Variants in KANSL1 observed in about 807,000 individuals in gnomAD.
KANSL1 encodes MLL1/MLL complex subunit KANSL1.
KANSL1 carries 22 observed loss-of-function variants against 103.6 expected under a neutral mutation model. That is an observed-to-expected ratio of 0.21 (90% CI 0.15 to 0.30). The LOEUF (loss-of-function observed/expected upper bound fraction) is 0.30. Ranked by LOEUF, KANSL1 falls within the 10% of genes least tolerant of loss-of-function variation. The pLI is 1.00. For missense variants in KANSL1, 1,337 were observed against 1,399.8 expected, an observed-to-expected ratio of 0.96 and a Z score of 0.72; for synonymous variants, 600 against 527.6, an observed-to-expected ratio of 1.14 and a Z score of -1.88.
At chr17:46,044,955 T>C (rs2077449837) in intron 7 of KANSL1, 1 of 152,204 alleles carries the variant, frequency 6.6e-6, no homozygotes. Context: ...TGCCTTTATG[T>C]CTGGTATAAA....
upstream of KANSL1, among the ~76,000 whole-genome samples, chr17:46,197,109 G>A (rs977269880): frequency 2.6e-4 from 40 of 151,844 alleles, no homozygotes; most frequent in African/African-American, 9.4e-4. Flanking sequence ...GCAACACCCC[G>A]TCTCCAAAAA....
intron 2 of KANSL1, among the ~76,000 whole-genome samples, chr17:46,125,689 C>CTCCT (rs2043522359): frequency 6.6e-6 from 1 of 152,236 alleles, no homozygotes; most frequent in South Asian, 2.1e-4. Flanking sequence ...AGAATAAGGA[C>CTCCT]TCCTTGCTCA....
Position 46,171,909 on chromosome 17 carries a change from C to A in KANSL1, c.235G>T (p.Val79Leu). Residue 79 changes from valine to leucine, a missense_variant, in exon 2 of 15, where the codon GTG becomes TTG. By Grantham distance (32) the Val-to-Leu change is conservative. This residue lies in a region of KANSL1 where 557 missense variants were observed against 476.4 expected (regional missense o/e 1.17). Coordinates refer to ENST00000432791, the MANE Select transcript of KANSL1 (RefSeq NM_015443.4). ...ACATCAGAGCAGAGATAAGATGCCA[C>A]CAGTGGTTGCAGCTTTCCCAAGTCT... ...KEDLGKLQPL[V>L]ASYLCSDVTS... 6.2e-7 allele frequency: 1 copy of A among 1,614,256 alleles called. No individual in the cohort carries two copies. The highest frequency in any genetic ancestry group is 8.5e-7 in the Non-Finnish European group (1 of 1,180,048).
chr17:46,202,189 G>A (rs1438277692), intron 1 of KANSL1, among the ~76,000 whole-genome samples: 2 of 146,948 alleles, frequency 1.4e-5, no homozygotes, highest in African/African-American at 4.9e-5. Flanking sequence ...TAAAGAAAAA[G>A]GTAAAAAAAA....
At chr17:46,200,988 C>T (rs879416723) in intron 1 of KANSL1, among the ~76,000 whole-genome samples, 8 of 151,962 alleles carry the variant, frequency 5.3e-5, no homozygotes, top group Non-Finnish European at 1.2e-4. Flanking sequence ...CTGGGCTCAC[C>T]GCAACCTCCA....
intron 2 of KANSL1, among the ~76,000 whole-genome samples, chr17:46,108,479 TTTA>T (rs2042664352): frequency 6.6e-6 from 1 of 152,240 alleles, no homozygotes; most frequent in South Asian, 2.1e-4. Flanking sequence ...GCTTCCTGGC[TTTA>T]TTAATAGAAC....
At chr17:46,124,228 G>A (rs1281203761) in intron 2 of KANSL1, among the ~76,000 whole-genome samples, 1 of 152,136 alleles carries the variant, frequency 6.6e-6, no homozygotes, top group Non-Finnish European at 1.5e-5. Flanking sequence ...GCAAGACCCC[G>A]TCTCTATAAA....
intron 1 of KANSL1, among the ~76,000 whole-genome samples, chr17:46,220,798 T>C (rs1196532268): frequency 6.6e-6 from 1 of 152,132 alleles, no homozygotes; most frequent in East Asian, 1.9e-4. Context: ...GCAATTCTCC[T>C]GCCTCAGCCT....
intron 2 of KANSL1, among the ~76,000 whole-genome samples, chr17:46,113,174 A>G (rs2147122215): frequency 6.6e-6 from 1 of 152,366 alleles, no homozygotes; most frequent in South Asian, 2.1e-4. Flanking sequence ...CCATACTACA[A>G]CACAGGACAG....
rs1375351409 is a variant in KANSL1, at chr17:46,030,067, C to CG, written c.*1408dup. ...ATAGAACAAAGACAGCTACATGTTT[C>CG]GCTGCCATTACACAGCTCCAAAGCA... On this transcript the variant is annotated 3_prime_UTR_variant, in exon 15 of 15. Transcript: ENST00000432791. 6.6e-6 allele frequency: 1 copy of CG among 151,582 alleles called. No individual in the cohort carries two copies. Among genetic ancestry groups the CG allele is most frequent in the Non-Finnish European group, 1.5e-5 (1 of 67,934 alleles). The allele number at this position is 151,582 out of a possible 1,614,324, so 9.4% of individuals were successfully genotyped here.
chr17:46,212,250 C>T (rs1298751143), intron 1 of KANSL1, among the ~76,000 whole-genome samples: 1 of 151,076 alleles, frequency 6.6e-6, no homozygotes, highest in African/African-American at 2.4e-5. Context: ...TAGACAGAGA[C>T]TTGCTCTGTC....
intron 4 of KANSL1, among the ~76,000 whole-genome samples, chr17:46,070,502 A>C (rs1171637268): frequency 6.6e-6 from 1 of 152,136 alleles, no homozygotes; most frequent in Non-Finnish European, 1.5e-5. Context: ...TTTACTACAC[A>C]GGGGAAACCT....
At chr17:46,165,519 T>A (rs1202156426) in intron 2 of KANSL1, among the ~76,000 whole-genome samples, 1 of 78,162 alleles carries the variant, frequency 1.3e-5, no homozygotes, top group African/African-American at 3.3e-5. Context: ...GGTATTTTTA[T>A]TTTTTTTTTG....
At position 46,171,187 on chromosome 17, in the gene KANSL1, A is replaced by T. The variant is rs1467270825; in HGVS notation, c.957T>A (p.His319Gln). ...QAKQVERHIQ[H>Q]QLGGFLEKTL... ...TCTTCTCCAAAAATCCACCCAGCTG[A>T]TGTTGTATATGCCTCTCAACCTGCT... Residue 319 changes from histidine (H) to glutamine (Q), a missense_variant, in exon 2 of 15, where the codon CAT becomes CAA. His to Gln is a conservative substitution (Grantham distance 24). Around this residue, in one of 2 missense-constraint regions of KANSL1, gnomAD observed 557 missense variants for 476.4 expected, o/e 1.17. Coordinates refer to ENST00000432791, the MANE Select transcript of KANSL1 (RefSeq NM_015443.4). 1.2e-6 allele frequency: 2 copies of T among 1,613,972 alleles called. No homozygotes were observed. Among genetic ancestry groups the T allele is most frequent in the Non-Finnish European group, 1.7e-6 (2 of 1,180,052 alleles).
upstream of KANSL1, among the ~76,000 whole-genome samples, chr17:46,194,767 C>G (rs1020090388): frequency 2.6e-5 from 4 of 152,220 alleles, no homozygotes; most frequent in Admixed American, 2.6e-4. Flanking sequence ...TTACCAGAAC[C>G]AATATCCGGC....
At chr17:46,091,501 T>G (rs1469279302) in intron 3 of KANSL1, among the ~76,000 whole-genome samples, 10 of 152,182 alleles carry the variant, frequency 6.6e-5, no homozygotes, top group Admixed American at 6.5e-4. Flanking sequence ...TGTCCCAGGC[T>G]TTTCAATTTC....
At chr17:46,154,582 T>C (rs2045312915) in intron 2 of KANSL1, among the ~76,000 whole-genome samples, 1 of 152,134 alleles carries the variant, frequency 6.6e-6, no homozygotes, top group Admixed American at 6.5e-5. Flanking sequence ...GTGCCCGGGC[T>C]CTCACCACAA....
At position 46,039,680 on chromosome 17, in the gene KANSL1, T is replaced by G. The variant is rs940435605; in HGVS notation, c.2203+22A>C. On this transcript the variant is annotated intron_variant, in intron 8 of 14. Coordinates refer to ENST00000432791, the MANE Select transcript of KANSL1 (RefSeq NM_015443.4). ...AAAAGTCACTGATACTCTGGGGGAC[T>G]TCCCGGCTCCCTGACACTTACTGGC... The G allele has an allele frequency of 5.0e-6, 8 of 1,603,496 alleles. No homozygotes were observed. The African/African-American group carries it at 6.7e-5, about 13-fold the overall frequency.
Position 46,031,203 on chromosome 17 carries a change from G to A in KANSL1, c.*273C>T. 1.8e-6 allele frequency: 1 copy of A among 556,314 alleles called. No homozygotes were observed. The highest frequency in any genetic ancestry group is 3.2e-6 in the Non-Finnish European group (1 of 309,574). The allele number at this position is 556,314 out of a possible 1,614,324, so 34.5% of individuals were successfully genotyped here. On this transcript the variant is annotated 3_prime_UTR_variant, in exon 15 of 15. Coordinates refer to ENST00000432791, the MANE Select transcript of KANSL1 (RefSeq NM_015443.4). ...GTAAGTCCAGTGATTCAACAGTGCAGAGGATGTGCCAGGACCAGGCCAGCA... is the reference window on the plus strand; with the variant it reads ...GTAAGTCCAGTGATTCAACAGTGCAAAGGATGTGCCAGGACCAGGCCAGCA...
Sources: gnomAD v4.1 joint callset for allele counts (sites outside exome capture counted in the v4.1 genomes callset) on GRCh38, gnomAD v4.1.1 for gene constraint, gnomAD v4.1.1 regional missense constraint, MANE v1.5 for transcripts, NCBI Gene and HGNC (gene_info 2026-07-23, HGNC 2026-07-21) for gene names.